Variants in THSD7A observed in about 807,000 individuals in gnomAD.
The protein encoded by THSD7A is thrombospondin type-1 domain-containing protein 7A.
A neutral mutation model predicts 231.3 loss-of-function variants in THSD7A; 96 were observed. The observed-to-expected ratio is 0.41, with a 90% confidence interval of 0.35 to 0.49. THSD7A has a LOEUF of 0.49. Among genes scored for constraint, THSD7A ranks in the 20% least tolerant of loss-of-function variants. The pLI is 0.05. For synonymous variants in THSD7A, 940 were observed against 743.3 expected (o/e 1.26, Z -4.30); for missense variants, 2,290 against 2,070.2 (o/e 1.11, Z -2.06).
intron 1 of THSD7A, among the ~76,000 whole-genome samples, chr7:11,691,451 G>A (rs1562480195): frequency 6.6e-6 from 1 of 151,426 alleles, no homozygotes; most frequent in Non-Finnish European, 1.5e-5. Flanking sequence ...TAGAAAGTGG[G>A]AGTAGAGGTT....
At chr7:11,820,507 T>A in intron 1 of THSD7A, 2 of 849,884 alleles carry the variant, frequency 2.4e-6, no homozygotes. Context: ...CTTTTGGGTG[T>A]GTAATCTAGG....
At chr7:11,424,862 G>A (rs748306491) in intron 15 of THSD7A, 33 bp from the exon 16 acceptor site, 3 of 1,613,008 alleles carry the variant, frequency 1.9e-6, no homozygotes, top group Admixed American at 1.7e-5. Flanking sequence ...CAATCTCAGG[G>A]AATCTGGTAA....
chr7:11,553,645 G>A (rs1037521141), intron 4 of THSD7A, among the ~76,000 whole-genome samples: 3 of 151,878 alleles, frequency 2.0e-5, no homozygotes, highest in Non-Finnish European at 4.4e-5. Flanking sequence ...AAATTTTATT[G>A]TTCTTAATTT....
chr7:11,506,676 C>A (rs1402487895), intron 6 of THSD7A, among the ~76,000 whole-genome samples: 1 of 152,218 alleles, frequency 6.6e-6, no homozygotes, highest in African/African-American at 2.4e-5. Context: ...GCTTTACTGG[C>A]CTTTCAATGT....
chr7:11,747,795 A>G (rs1163373133), intron 1 of THSD7A, among the ~76,000 whole-genome samples: 1 of 151,924 alleles, frequency 6.6e-6, no homozygotes, highest in Non-Finnish European at 1.5e-5. Context: ...AGAGGAAGTA[A>G]TATTTACTTT....
At chr7:11,642,054 A>C (rs1782103592) in intron 1 of THSD7A, among the ~76,000 whole-genome samples, 1 of 152,210 alleles carries the variant, frequency 6.6e-6, no homozygotes, top group Non-Finnish European at 1.5e-5. Flanking sequence ...TTGTTAACCC[A>C]ATTAACTACC....
At chr7:11,757,005 T>C (rs1363310063) in intron 1 of THSD7A, among the ~76,000 whole-genome samples, 1 of 151,998 alleles carries the variant, frequency 6.6e-6, no homozygotes, top group Non-Finnish European at 1.5e-5. Flanking sequence ...GCACATAAGT[T>C]TCTTAAGGCC....
intron 6 of THSD7A, 87 bp from the exon 7 acceptor site, chr7:11,482,069 A>C: frequency 7.3e-7 from 1 of 1,365,116 alleles, no homozygotes; most frequent in Non-Finnish European, 9.9e-7. Flanking sequence ...CAGATAAGTT[A>C]CATTATCTTT....
chr7:11,424,840 C>T lies in THSD7A; in HGVS notation c.3250-11G>A. 2 of 1,613,792 alleles carry T rather than the reference C, an allele frequency of 1.2e-6. No homozygotes were observed. The highest frequency in any genetic ancestry group is 1.1e-5 in the South Asian group (1 of 91,038). On this transcript the variant is annotated splice_polypyrimidine_tract_variant and intron_variant, in intron 15 of 27. Coordinates refer to ENST00000423059, the MANE Select transcript of THSD7A (RefSeq NM_015204.3). ...GACAACCTCATACACCTGAAACACA[C>T]ATGGTTCTCAGCAATCTCAGGGAAT... is the stretch of plus-strand genomic sequence containing the variant.
chr7:11,525,423 C>T (rs913456530), intron 6 of THSD7A, among the ~76,000 whole-genome samples: 1 of 152,082 alleles, frequency 6.6e-6, no homozygotes, highest in Non-Finnish European at 1.5e-5. Context: ...TCATCACTGT[C>T]AATAAAGCCA....
chr7:11,507,132 T>C (rs1217501893), intron 6 of THSD7A, among the ~76,000 whole-genome samples: 1 of 152,196 alleles, frequency 6.6e-6, no homozygotes, highest in Non-Finnish European at 1.5e-5. Flanking sequence ...AGTGAGGTAC[T>C]ATGGACCTTG....
Position 11,590,077 on chromosome 7 carries a change from T to C in THSD7A, c.1453+383A>G, listed in dbSNP as rs1780091477. ...CCACATTTTATCCAAATAAGATTTC[T>C]TTTGACAAGCAGGTTTTACTTCTTA... is the stretch of plus-strand genomic sequence containing the variant. On this transcript the variant is annotated intron_variant, in intron 4 of 27. Coordinates refer to ENST00000423059, the MANE Select transcript of THSD7A (RefSeq NM_015204.3). This position sits in a 1 kb window ranked among gnomAD's most constrained non-coding sequence, Gnocchi z 4.4. Among the ~76,000 whole-genome samples, 1 of 152,220 alleles carries C rather than the reference T, an allele frequency of 6.6e-6. No individual in the cohort carries two copies. The highest frequency in any genetic ancestry group is 2.4e-5 in the African/African-American group (1 of 41,470).
intron 2 of THSD7A, among the ~76,000 whole-genome samples, chr7:11,613,552 T>C (rs1402628451): frequency 6.6e-6 from 1 of 152,230 alleles, no homozygotes; most frequent in African/African-American, 2.4e-5. Context: ...AGTCAGTTTC[T>C]TTCTACAGTC....
Position 11,774,973 on chromosome 7 carries a change from T to C in THSD7A, c.190+56784A>G, listed in dbSNP as rs531988817. 1.1e-3 allele frequency among the ~76,000 whole-genome samples: 166 copies of C among 152,202 alleles called. 2 individuals carry two copies. The highest frequency in any genetic ancestry group is 3.7e-3 in the African/African-American group (155 of 41,518). ...GGGAGGCTGAGGCACGATAATCTCT[T>C]GAACCCAGGAGGCAGGGGTTGCAGT... On this transcript the variant is annotated intron_variant, in intron 1 of 27. Transcript: ENST00000423059.
At chr7:11,645,100 T>C (rs540030813) in intron 1 of THSD7A, among the ~76,000 whole-genome samples, 1 of 151,974 alleles carries the variant, frequency 6.6e-6, no homozygotes, top group Non-Finnish European at 1.5e-5. Context: ...TACACCTTGA[T>C]CAGCATTGGT....
intron 1 of THSD7A, among the ~76,000 whole-genome samples, chr7:11,815,655 G>A (rs1784669555): frequency 2.6e-5 from 4 of 152,140 alleles, no homozygotes; most frequent in Middle Eastern, 6.8e-3. Context: ...AATTATAATA[G>A]TTCATTTAGA....
chr7:11,715,786 T>G (rs1781116159), intron 1 of THSD7A, among the ~76,000 whole-genome samples: 1 of 151,474 alleles, frequency 6.6e-6, no homozygotes, highest in Non-Finnish European at 1.5e-5. Flanking sequence ...TTTCCCTCCT[T>G]AATCCTCATC....
At chr7:11,681,700 T>C (rs1264703571) in intron 1 of THSD7A, among the ~76,000 whole-genome samples, 2 of 152,000 alleles carry the variant, frequency 1.3e-5, no homozygotes, top group Admixed American at 6.6e-5. Flanking sequence ...CAGGATATAA[T>C]GCATGAAAAA....
In THSD7A at chr7:11,606,262, A is replaced by G. The variant is rs1183470041; in HGVS notation, c.1023-12760T>C. ...TCTACTTTGAGTGGCATGTGGCATG[A>G]GCTACATAATAGACATGCACAGTAA... On this transcript the variant is annotated intron_variant, in intron 2 of 27. Coordinates refer to ENST00000423059, the MANE Select transcript of THSD7A (RefSeq NM_015204.3). Among the ~76,000 whole-genome samples the G allele has an allele frequency of 2.0e-5, 3 of 152,164 alleles. No homozygotes were observed. The East Asian group carries it at 5.8e-4, about 29-fold the overall frequency.
Sources: gnomAD v4.1 joint callset for allele counts (sites outside exome capture counted in the v4.1 genomes callset) on GRCh38, gnomAD v4.1.1 for gene constraint, Gnocchi (gnomAD v3.1) non-coding constraint, MANE v1.5 for transcripts, NCBI Gene and HGNC (gene_info 2026-07-23, HGNC 2026-07-21) for gene names.